COL11A1: variants seen among roughly 807,000 people sequenced by gnomAD.
COL11A1 encodes the protein collagen type XI alpha 1 chain.
In COL11A1, 74 loss-of-function variants were observed where a neutral mutation model predicts 265.2. The observed-to-expected ratio is 0.28, with a 90% CI of 0.23 to 0.34. The LOEUF is 0.34. COL11A1 is among the 10% of genes least tolerant of loss of function. The probability of loss-of-function intolerance (pLI) is 1.00; values close to 1 mark genes in which losing one functional copy is unlikely to be tolerated. For synonymous variants in COL11A1, 816 were observed against 727.6 expected (o/e 1.12, Z -1.96); for missense variants, 2,165 against 2,263.6 (o/e 0.96, Z 0.88).
intron 41 of COL11A1, among the ~76,000 whole-genome samples, chr1:102,961,338 G>T (rs1382684887): frequency 2.0e-5 from 3 of 152,060 alleles, no homozygotes; most frequent in Admixed American, 2.0e-4. Flanking sequence ...AAAGCAATAT[G>T]CATAATATAT....
At chr1:102,994,037 C>T (rs1197905867) in intron 28 of COL11A1, among the ~76,000 whole-genome samples, 1 of 152,074 alleles carries the variant, frequency 6.6e-6, no homozygotes, top group Admixed American at 6.6e-5. Context: ...ATAAATCTGA[C>T]AACATAGTTG....
intron 4 of COL11A1, among the ~76,000 whole-genome samples, chr1:103,072,206 G>A (rs1443070717): frequency 6.6e-6 from 1 of 151,728 alleles, no homozygotes; most frequent in Non-Finnish European, 1.5e-5. Context: ...CTTCAGTTTT[G>A]CATTTAGCTG....
At chr1:102,916,183 T>C (rs1239476413) in intron 49 of COL11A1, among the ~76,000 whole-genome samples, 2 of 152,160 alleles carry the variant, frequency 1.3e-5, no homozygotes, top group Non-Finnish European at 2.9e-5. Flanking sequence ...GGAAAGACAA[T>C]AATTATAATA....
intron 9 of COL11A1, among the ~76,000 whole-genome samples, chr1:103,021,284 A>C (rs535195525): frequency 3.8e-4 from 57 of 151,966 alleles, no homozygotes; most frequent in Non-Finnish European, 7.1e-4. Context: ...TGGATATGTA[A>C]CAAATATATG....
At chr1:102,888,684 T>G in intron 61 of COL11A1, 39 bp downstream of exon 61, 1 of 1,613,798 alleles carries the variant, frequency 6.2e-7, no homozygotes, top group Non-Finnish European at 8.5e-7. Context: ...TAAATAGGTT[T>G]CAATGCAAAA....
rs1658434459 is a variant in COL11A1, at chr1:102,938,969, A to G, written c.3438+66T>C. On this transcript the variant is annotated intron_variant, in intron 44 of 66. Coordinates refer to ENST00000370096, the MANE Select transcript of COL11A1 (RefSeq NM_001854.4). ...AAAGTAAGTAGCACTATATAAAAAT[A>G]TCAATGGTAAACAGTAAAAGTTGTT... The G allele has an allele frequency of 4.3e-6, 6 of 1,406,086 alleles. No homozygotes were observed. In the South Asian group the frequency reaches 6.9e-5, roughly 16 times the overall value. 87.1% of individuals were successfully genotyped at this position (1,406,086 alleles called of 1,614,324 possible).
At chr1:103,101,464 A>G (rs968284663) in intron 1 of COL11A1, among the ~76,000 whole-genome samples, 1 of 152,052 alleles carries the variant, frequency 6.6e-6, no homozygotes. Flanking sequence ...AATGCACTAG[A>G]GTTCTTATTA....
intron 15 of COL11A1, 87 bp downstream of exon 15, chr1:103,008,376 A>T (rs1411721792): frequency 1.2e-5 from 13 of 1,129,106 alleles, no homozygotes; most frequent in South Asian, 3.9e-5. Flanking sequence ...GAACAAAAAA[A>T]AAATTAACTA....
chr1:102,981,056 G>A (rs894291367), intron 31 of COL11A1, among the ~76,000 whole-genome samples: 1 of 152,132 alleles, frequency 6.6e-6, no homozygotes, highest in Admixed American at 6.6e-5. Context: ...TGCTATTAAA[G>A]CAGGTCAATA....
chr1:103,055,472 T>C (rs1670173974), intron 4 of COL11A1, among the ~76,000 whole-genome samples: 2 of 152,200 alleles, frequency 1.3e-5, no homozygotes, highest in African/African-American at 2.4e-5. Context: ...TTTTAAATAG[T>C]GATAGCTTAT....
At chr1:102,903,166 TAC>T (rs1035831170) in intron 54 of COL11A1, among the ~76,000 whole-genome samples, 13 of 152,114 alleles carry the variant, frequency 8.5e-5, no homozygotes, top group Non-Finnish European at 1.5e-5. Context: ...AAACAAGCTG[TAC>T]AAATCTTCCA....
intron 3 of COL11A1, among the ~76,000 whole-genome samples, chr1:103,075,774 G>A (rs918228144): frequency 2.0e-5 from 3 of 152,092 alleles, no homozygotes; most frequent in African/African-American, 7.2e-5. Flanking sequence ...AAAAGTTGCA[G>A]GAGCCCTCGT....
At chr1:103,094,522 G>T (rs1673584194) in intron 1 of COL11A1, among the ~76,000 whole-genome samples, 1 of 152,018 alleles carries the variant, frequency 6.6e-6, no homozygotes, top group Admixed American at 6.6e-5. Context: ...GCACAGGTGT[G>T]TCTGCGTCTC....
intron 41 of COL11A1, among the ~76,000 whole-genome samples, chr1:102,947,895 C>T (rs1407774992): frequency 6.6e-6 from 1 of 151,636 alleles, no homozygotes; most frequent in African/African-American, 2.4e-5. Context: ...GATTGAATTA[C>T]AATTTATCTT....
At chr1:102,938,459 T>C (rs1161847328) in intron 44 of COL11A1, among the ~76,000 whole-genome samples, 1 of 152,148 alleles carries the variant, frequency 6.6e-6, no homozygotes, top group African/African-American at 2.4e-5. Context: ...AGTAAGGAAG[T>C]GCTGAAGCAT....
At chr1:103,095,731 TG>T (rs1354470606) in intron 1 of COL11A1, among the ~76,000 whole-genome samples, 1 of 151,938 alleles carries the variant, frequency 6.6e-6, no homozygotes, top group Admixed American at 6.6e-5. Flanking sequence ...TGTAAATTTG[TG>T]TAACAGAAAA....
In COL11A1 at chr1:102,921,519, T is replaced by A; in HGVS notation, c.3707A>T (p.Asp1236Val). Residue 1236 changes from aspartate to valine, a missense_variant and splice_region_variant, in exon 48 of 67, where the codon GAT becomes GTT. Physicochemically the swap from Asp to Val is radical, Grantham distance 152. Transcript: ENST00000370096. The part of the protein sequence containing the change: ...PRGPQGPNGA[D>V]GPQGPPGSVG... ...TAACATATATTTCAGAGTTCTTACA[T>A]CAGCTCCATTGGGACCTTGAGGGCC... is the stretch of plus-strand genomic sequence containing the variant. 2 of 1,612,028 alleles carry A rather than the reference T, an allele frequency of 1.2e-6. No individual in the cohort carries two copies. Among genetic ancestry groups the A allele is most frequent in the Non-Finnish European group, 1.7e-6 (2 of 1,178,318 alleles).
intron 48 of COL11A1, among the ~76,000 whole-genome samples, chr1:102,920,751 C>T (rs1160529179): frequency 1.3e-5 from 2 of 152,150 alleles, no homozygotes; most frequent in African/African-American, 2.4e-5. Flanking sequence ...CCCCTTATAA[C>T]ATCTTTTAGC....
intron 54 of COL11A1, among the ~76,000 whole-genome samples, chr1:102,899,237 G>A (rs546380779): frequency 6.6e-6 from 1 of 152,038 alleles, no homozygotes; most frequent in South Asian, 2.1e-4. Context: ...ATATAAGAAA[G>A]CAGTAAAAAT....
Sources: gnomAD v4.1 joint callset for allele counts (sites outside exome capture counted in the v4.1 genomes callset) on GRCh38, gnomAD v4.1.1 for gene constraint, MANE v1.5 for transcripts, NCBI Gene and HGNC (gene_info 2026-07-23, HGNC 2026-07-21) for gene names.